RSRC1: variants seen among roughly 807,000 people sequenced by gnomAD.
RSRC1 encodes serine/Arginine-related protein 53.
In RSRC1, 39 loss-of-function variants were observed where a neutral mutation model predicts 49.1. The ratio of observed to expected loss-of-function variants is 0.79; its 90% CI spans 0.61 to 1.04. RSRC1 has a LOEUF of 1.04. RSRC1 is among the 50% of genes least tolerant of loss of function. RSRC1 has a pLI of 0.00. For missense variants in RSRC1, 388 were observed against 402.4 expected, an observed-to-expected ratio of 0.96 and a Z score of 0.31; for synonymous variants, 143 against 130.8, an observed-to-expected ratio of 1.09 and a Z score of -0.63.
intron 7 of RSRC1, among the ~76,000 whole-genome samples, chr3:158,512,631 G>GT (rs1270126601): frequency 2.0e-5 from 3 of 151,370 alleles, no homozygotes; most frequent in African/African-American, 7.3e-5. Context: ...CTTTAAAGTA[G>GT]TTTTTTCCAA....
At chr3:158,270,572 G>A (rs1252362417) in intron 4 of RSRC1, among the ~76,000 whole-genome samples, 1 of 152,118 alleles carries the variant, frequency 6.6e-6, no homozygotes. Flanking sequence ...TACTTGCTGT[G>A]TTAACATGTT....
chr3:158,345,226 CA>C (rs571012725), intron 5 of RSRC1, among the ~76,000 whole-genome samples: 13,476 of 119,706 alleles, frequency 0.11, 1,969 homozygotes, highest in African/African-American at 0.36. Flanking sequence ...GATTCTGTCT[CA>C]AAAAAAAAAA....
intron 3 of RSRC1, among the ~76,000 whole-genome samples, chr3:158,171,900 C>G (rs994104333): frequency 1.3e-5 from 2 of 151,916 alleles, no homozygotes; most frequent in Non-Finnish European, 2.9e-5. Flanking sequence ...ATGAGCAAAC[C>G]ATGATCATCC....
At chr3:158,352,372 A>C (rs142115899) in intron 5 of RSRC1, among the ~76,000 whole-genome samples, 152 of 152,262 alleles carry the variant, frequency 1.0e-3, no homozygotes, top group African/African-American at 3.4e-3. Context: ...CTATAGAGGG[A>C]GACTTCATGG....
chr3:158,472,320 T>C (rs1483999107), intron 7 of RSRC1, among the ~76,000 whole-genome samples: 1 of 152,078 alleles, frequency 6.6e-6, no homozygotes, highest in Non-Finnish European at 1.5e-5. Flanking sequence ...AAAAAGAAAA[T>C]ATTCTCACAG....
At chr3:158,214,317 G>A (rs1453774295) in intron 4 of RSRC1, among the ~76,000 whole-genome samples, 2 of 151,686 alleles carry the variant, frequency 1.3e-5, no homozygotes, top group Non-Finnish European at 2.9e-5. Context: ...TAAAATTTTT[G>A]TGTGACCTGT....
intron 3 of RSRC1, among the ~76,000 whole-genome samples, chr3:158,191,556 A>G (rs540404551): frequency 1.3e-5 from 2 of 152,122 alleles, no homozygotes; most frequent in South Asian, 4.2e-4. Flanking sequence ...CTTATTCTGT[A>G]GATATTGAAA....
chr3:158,147,022 C>T (rs190261023), intron 3 of RSRC1, among the ~76,000 whole-genome samples: 1 of 149,288 alleles, frequency 6.7e-6, no homozygotes, highest in East Asian at 2.0e-4. Context: ...GCTGCTTGTG[C>T]TGCTGCTGTT....
At chr3:158,190,414 T>G (rs73027918) in intron 3 of RSRC1, among the ~76,000 whole-genome samples, 1 of 151,930 alleles carries the variant, frequency 6.6e-6, no homozygotes, top group Non-Finnish European at 1.5e-5. Flanking sequence ...TCTACTACTT[T>G]TGTTTTCTTT....
At chr3:158,531,696 T>C (rs767255371) in intron 7 of RSRC1, among the ~76,000 whole-genome samples, 11 of 151,960 alleles carry the variant, frequency 7.2e-5, no homozygotes, top group Non-Finnish European at 1.2e-4. Context: ...CTCGGTGATA[T>C]TGGTCTCGAA....
intron 6 of RSRC1, among the ~76,000 whole-genome samples, chr3:158,396,385 G>A (rs1205070158): frequency 2.1e-5 from 3 of 146,326 alleles, no homozygotes; most frequent in Non-Finnish European, 4.5e-5. Context: ...TTTTGGTGAT[G>A]GGCAATGTTT....
At chr3:158,446,917 A>T (rs566428946) in intron 6 of RSRC1, among the ~76,000 whole-genome samples, 1 of 151,992 alleles carries the variant, frequency 6.6e-6, no homozygotes, top group Admixed American at 6.6e-5. Flanking sequence ...AAACTCAAAG[A>T]TTGCTCCAAA....
intron 6 of RSRC1, among the ~76,000 whole-genome samples, chr3:158,399,975 G>C (rs932788966): frequency 6.6e-6 from 1 of 152,120 alleles, no homozygotes; most frequent in African/African-American, 2.4e-5. Flanking sequence ...ATTGATAAAG[G>C]ATAGCTGCAA....
chr3:158,375,446 C>T (rs186621518), intron 6 of RSRC1, among the ~76,000 whole-genome samples: 3 of 151,598 alleles, frequency 2.0e-5, no homozygotes, highest in Non-Finnish European at 4.4e-5. Context: ...CAGTAATCCA[C>T]TCACTTCAGC....
chr3:158,264,306 T>C (rs1417719221), intron 4 of RSRC1, among the ~76,000 whole-genome samples: 2 of 152,244 alleles, frequency 1.3e-5, no homozygotes, highest in Non-Finnish European at 1.5e-5. Context: ...TGGCATATAG[T>C]TTCCAAATTT....
chr3:158,348,284 A>G (rs1578370600), intron 5 of RSRC1, among the ~76,000 whole-genome samples: 1 of 152,356 alleles, frequency 6.6e-6, no homozygotes, highest in East Asian at 1.9e-4. Flanking sequence ...TGAGAAAGGT[A>G]AACAAATAGT....
chr3:158,167,342 C>T (rs1211606860), intron 3 of RSRC1, among the ~76,000 whole-genome samples: 2 of 151,980 alleles, frequency 1.3e-5, no homozygotes, highest in Admixed American at 1.3e-4. Flanking sequence ...ACATGCACAC[C>T]ACCACACAGA....
At chr3:158,229,543 G>GT (rs1220610325) in intron 4 of RSRC1, among the ~76,000 whole-genome samples, 6,479 of 132,642 alleles carry the variant, frequency 0.049, 429 homozygotes, top group African/African-American at 0.16. Flanking sequence ...TGTGTTTTTT[G>GT]TTTTTTTTTT....
chr3:158,398,149 A>G (rs1041900344), intron 6 of RSRC1, among the ~76,000 whole-genome samples: 1 of 152,156 alleles, frequency 6.6e-6, no homozygotes, highest in African/African-American at 2.4e-5. Context: ...GGCTCAGGGC[A>G]GCATGAATCT....
Sources: gnomAD v4.1 joint callset for allele counts (sites outside exome capture counted in the v4.1 genomes callset) on GRCh38, gnomAD v4.1.1 for gene constraint, MANE v1.5 for transcripts, NCBI Gene and HGNC (gene_info 2026-07-23, HGNC 2026-07-21) for gene names.